Variants in SEC23B observed in about 807,000 individuals in gnomAD.
SEC23B encodes the protein SEC23 homolog B, COPII component.
Under a neutral mutation model 104.3 loss-of-function variants are expected in SEC23B, and 77 were observed. The observed-to-expected ratio is 0.74, with a 90% CI of 0.61 to 0.89. The LOEUF is 0.89. Ranked by LOEUF, SEC23B falls within the 40% of genes least tolerant of loss-of-function variation. The pLI is 0.00. For synonymous variants in SEC23B, 338 were observed against 332.5 expected (o/e 1.02, Z -0.18); for missense variants, 885 against 949.4 (o/e 0.93, Z 0.89).
intron 19 of SEC23B, among the ~76,000 whole-genome samples, chr20:18,555,692 T>C (rs936497391): frequency 1.3e-5 from 2 of 152,158 alleles, no homozygotes; most frequent in African/African-American, 2.4e-5. Context: ...TTTTGAGATA[T>C]TGTAAATTTA....
chr20:18,519,065 T>A (rs990790490), intron 4 of SEC23B, among the ~76,000 whole-genome samples: 6 of 152,122 alleles, frequency 3.9e-5, no homozygotes, highest in African/African-American at 1.4e-4. Context: ...GCCTCAATGA[T>A]AGATGTGGAA....
Position 18,535,797 on chromosome 20 carries a change from A to T in SEC23B, c.1404+55A>T, listed in dbSNP as rs2060225288. 4.4e-6 allele frequency: 6 copies of T among 1,363,046 alleles called. No homozygotes were observed. The South Asian group carries it at 7.0e-5, about 16-fold the overall frequency. 84.4% of individuals were successfully genotyped at this position (1,363,046 alleles called of 1,614,324 possible). ...GTCTTAGTGTCCTGTTTTGTGATTT[A>T]TCTCAAACCAGTGGTCTCTGGTTAC... is the stretch of plus-strand genomic sequence containing the variant. On this transcript the variant is annotated intron_variant, in intron 12 of 19. Transcript: ENST00000650089.
intron 4 of SEC23B, among the ~76,000 whole-genome samples, chr20:18,517,608 A>G (rs757745382): frequency 6.6e-6 from 1 of 152,190 alleles, no homozygotes; most frequent in African/African-American, 2.4e-5. Context: ...GTGTTGGAGC[A>G]GTGAAAAAAT....
chr20:18,537,393 T>G (rs1346790998), intron 12 of SEC23B, among the ~76,000 whole-genome samples: 1 of 151,712 alleles, frequency 6.6e-6, no homozygotes, highest in Non-Finnish European at 1.5e-5. Context: ...ATATACACCA[T>G]GGAATACTAT....
At chr20:18,508,462 C>G (rs1171248956) in intron 1 of SEC23B, among the ~76,000 whole-genome samples, 1 of 152,142 alleles carries the variant, frequency 6.6e-6, no homozygotes, top group African/African-American at 2.4e-5. Flanking sequence ...TTCATACTTT[C>G]AGTTATTTAC....
intron 12 of SEC23B, among the ~76,000 whole-genome samples, chr20:18,539,135 C>G (rs546773062): frequency 7.9e-5 from 12 of 151,306 alleles, no homozygotes; most frequent in African/African-American, 2.9e-4. Context: ...ATTGCTTAAA[C>G]CAAGTGATGG....
At chr20:18,509,416 A>ACT in intron 1 of SEC23B, among the ~76,000 whole-genome samples, 1 of 152,158 alleles carries the variant, frequency 6.6e-6, no homozygotes, top group South Asian at 2.1e-4. Flanking sequence ...AATTTGATAG[A>ACT]CTCTTTAATT....
intron 12 of SEC23B, among the ~76,000 whole-genome samples, chr20:18,540,018 A>T (rs976493629): frequency 1.2e-4 from 2 of 17,206 alleles, no homozygotes; most frequent in South Asian, 1.7e-3. Flanking sequence ...TGAAGTCTCA[A>T]ACCCCTCAAA....
chr20:18,513,715 C>G (rs1318563742), intron 3 of SEC23B, among the ~76,000 whole-genome samples: 2 of 152,198 alleles, frequency 1.3e-5, no homozygotes, highest in Non-Finnish European at 2.9e-5. Flanking sequence ...ATGAGAGATT[C>G]AGAAGTATAT....
Position 18,524,164 on chromosome 20 carries a change from A to G in SEC23B, c.367-269A>G, listed in dbSNP as rs187848012. On this transcript the variant is annotated intron_variant, in intron 4 of 19. Coordinates refer to ENST00000650089, the MANE Select transcript of SEC23B (RefSeq NM_006363.6). The stretch of plus-strand genomic sequence containing the variant: ...GTAGAAGTCTTTGTTTTTTCTGTTC[A>G]CTGTGTGTCCCAGGACCTGAAACAA... 2.2e-3 allele frequency among the ~76,000 whole-genome samples: 340 copies of G among 152,234 alleles called. 2 individuals carry two copies. The highest frequency in any genetic ancestry group is 4.0e-3 in the Non-Finnish European group (269 of 67,990).
At chr20:18,536,106 A>G (rs2060228423) in intron 12 of SEC23B, among the ~76,000 whole-genome samples, 1 of 152,180 alleles carries the variant, frequency 6.6e-6, no homozygotes. Flanking sequence ...AACACGTACT[A>G]CCTAGGTGAA....
chr20:18,528,616 G>A (rs2060154951), intron 9 of SEC23B, among the ~76,000 whole-genome samples: 1 of 152,192 alleles, frequency 6.6e-6, no homozygotes, highest in South Asian at 2.1e-4. Flanking sequence ...GGAATAAAAG[G>A]TAGAACCAGA....
Position 18,525,866 on chromosome 20 carries a change from A to G in SEC23B, c.768A>G (p.Val256=). ...LGELQRDPWP[V]TQGKRPLRST... is the part of the protein sequence containing the mutation. Reference sequence around the variant, plus strand: ...AGCTACAGAGGGACCCATGGCCAGTAACTCAGGGGAAGAGACCTTTGCGAT... The same window carrying G: ...AGCTACAGAGGGACCCATGGCCAGTGACTCAGGGGAAGAGACCTTTGCGAT... The change falls in exon 7 of 20, where the codon GTA becomes GTG. Residue 256 remains valine, a synonymous_variant. Transcript: ENST00000650089. The G allele has an allele frequency of 6.2e-7, 1 of 1,614,204 alleles. No homozygotes were observed. The highest frequency in any genetic ancestry group is 1.1e-5 in the South Asian group (1 of 91,082).
At chr20:18,536,363 A>G (rs2060230746) in intron 12 of SEC23B, among the ~76,000 whole-genome samples, 1 of 152,156 alleles carries the variant, frequency 6.6e-6, no homozygotes, top group Non-Finnish European at 1.5e-5. Context: ...TTGACCCTTG[A>G]GTAGTGTTGG....
chr20:18,524,840 A>T, intron 5 of SEC23B, 95 bp from the exon 6 acceptor site: 1 of 1,400,164 alleles, frequency 7.1e-7, no homozygotes. Context: ...CTAGAGGCAC[A>T]TGCCACCACA....
chr20:18,527,660 A>G lies in SEC23B; in HGVS notation c.1109+49A>G, dbSNP rs17734573. 0.066 allele frequency: 79,761 copies of G among 1,205,250 alleles called. 3,319 individuals are homozygous for G. Among genetic ancestry groups the G allele is most frequent in the Non-Finnish European group, 0.075 (60,122 of 806,618 alleles). The allele number at this position is 1,205,250 out of a possible 1,614,324, so 74.7% of individuals were successfully genotyped here. ...GCAGAGTGACAGTGTTATTTTAAGGAAAGAGAAATTAGTGATGGAGCCATA... is the reference window on the plus strand; with the variant it reads ...GCAGAGTGACAGTGTTATTTTAAGGGAAGAGAAATTAGTGATGGAGCCATA... On this transcript the variant is annotated intron_variant, in intron 9 of 19. Transcript: ENST00000650089.
chr20:18,507,590 G>C (rs1403937800), upstream of SEC23B: 1 of 152,304 alleles, frequency 6.6e-6, no homozygotes, highest in Non-Finnish European at 1.5e-5. Context: ...GGCGATCAGC[G>C]GGACTTCCCA....
At chr20:18,535,395 A>C (rs1020396229) in intron 11 of SEC23B, among the ~76,000 whole-genome samples, 1 of 152,074 alleles carries the variant, frequency 6.6e-6, no homozygotes, top group Non-Finnish European at 1.5e-5. Context: ...AACATAAATA[A>C]TATATATGTA....
chr20:18,519,146 A>C (rs1408593288), intron 4 of SEC23B, among the ~76,000 whole-genome samples: 1 of 152,142 alleles, frequency 6.6e-6, no homozygotes, highest in Non-Finnish European at 1.5e-5. Flanking sequence ...TCAATAAACC[A>C]GGTGTGATCA....
Sources: allele counts gnomAD v4.1 joint callset (sites outside exome capture counted in the v4.1 genomes callset), GRCh38; gene constraint gnomAD v4.1.1; transcripts MANE v1.5; gene names NCBI Gene and HGNC (gene_info 2026-07-23, HGNC 2026-07-21).